The following SEL1L3 variants were observed in gnomAD, a reference collection of about 807,000 sequenced individuals.
SEL1L3 encodes SEL1L family member 3.
SEL1L3 carries 76 observed loss-of-function variants against 142.8 expected under a neutral mutation model. That is an observed-to-expected ratio of 0.53 (90% CI 0.44 to 0.64). The LOEUF is 0.64. SEL1L3 is among the 30% of genes least tolerant of loss of function. SEL1L3 has a pLI of 0.00. For missense variants in SEL1L3, 1,262 were observed against 1,381.7 expected (o/e 0.91, Z 1.37); for synonymous variants, 504 against 519.6 (o/e 0.97, Z 0.41).
chr4:25,772,114 G>T lies in SEL1L3; in HGVS notation c.2669+4163C>A, dbSNP rs995012082. On this transcript the variant is annotated intron_variant, in intron 17 of 23. Coordinates refer to ENST00000399878, the MANE Select transcript of SEL1L3 (RefSeq NM_015187.5). ...GCAGAATAGATGGTACCAAAAAAAT[G>T]TCACGTTGGACGGTGAGGAGGCCAG... Among the ~76,000 whole-genome samples, 14 of 152,318 alleles carry T rather than the reference G, an allele frequency of 9.2e-5. No homozygotes were observed. The South Asian group carries it at 2.9e-3, about 32-fold the overall frequency.
At position 25,763,293 on chromosome 4, in the gene SEL1L3, T is replaced by C. The variant is rs141665727; in HGVS notation, c.2955+2033A>G. ...AGTAACTCCTTCTTTTCAGAAGAAA[T>C]GATAACAGAATAGATCATGTCCACT... On this transcript the variant is annotated intron_variant, in intron 20 of 23. Coordinates refer to ENST00000399878, the MANE Select transcript of SEL1L3 (RefSeq NM_015187.5). Among the ~76,000 whole-genome samples the C allele has an allele frequency of 5.8e-3, 886 of 152,192 alleles. 14 individuals are homozygous for C. The highest frequency in any genetic ancestry group is 0.02 in the African/African-American group (834 of 41,522).
rs1396701279 is a variant in SEL1L3, at chr4:25,757,762, A to T, written c.3112T>A (p.Phe1038Ile). The change falls in exon 22 of 24, where the codon TTC becomes ATC. Residue 1038 changes from phenylalanine to isoleucine, a missense_variant. Phe to Ile is a conservative substitution (Grantham distance 21, BLOSUM62 0). Transcript: ENST00000399878. ...AGCCAGGCCAAGGAGCAGGGGCTGA[A>T]GGACTCCTCGTTACTGTGGCTCCAG... ...RCWSHSNEESFSPCSLAWLYL... is the reference protein window; with the variant it reads ...RCWSHSNEESISPCSLAWLYL... The T allele has an allele frequency of 1.3e-6, 2 of 1,590,892 alleles. No homozygotes were observed. Among genetic ancestry groups the T allele is most frequent in the Non-Finnish European group, 8.6e-7 (1 of 1,169,048 alleles).
chr4:25,802,266 T>C lies in SEL1L3; in HGVS notation c.1956+17A>G, dbSNP rs1217995626. 1.2e-6 allele frequency: 2 copies of C among 1,600,550 alleles called. No individual in the cohort carries two copies. The highest frequency in any genetic ancestry group is 4.5e-5 in the East Asian group (2 of 44,600). On this transcript the variant is annotated intron_variant, in intron 11 of 23. Transcript: ENST00000399878. ...AACAGGGCCATAACCATTCCCAACC[T>C]TTTTTCTCTCTCATACCTGATCTCC...
Position 25,788,477 on chromosome 4 carries a change from G to T in SEL1L3, c.2077-113C>A. ...TACGATGTTTTAGATTGAGAACCAAGGATTAGATACACTTTATCTTCCAAC... is the reference window on the plus strand; with the variant it reads ...TACGATGTTTTAGATTGAGAACCAATGATTAGATACACTTTATCTTCCAAC... On this transcript the variant is annotated intron_variant, in intron 12 of 23. Transcript: ENST00000399878. The surrounding 1 kb of genome is among the most constrained non-coding windows in gnomAD (Gnocchi z 5.3). 1 of 1,093,714 alleles carries T rather than the reference G, an allele frequency of 9.1e-7. No individual in the cohort carries two copies. Among genetic ancestry groups the T allele is most frequent in the South Asian group, 1.5e-5 (1 of 65,920 alleles). The allele number at this position is 1,093,714 out of a possible 1,614,324, so 67.8% of individuals were successfully genotyped here. A position where few individuals can be genotyped will look rare whatever the true frequency, so the allele number is the denominator to read the frequency against.
chr4:25,741,944 G>T, the SEL1L3 span, among the ~76,000 whole-genome samples: 43 of 151,916 alleles, frequency 2.8e-4, no homozygotes, highest in Non-Finnish European at 4.9e-4. Flanking sequence ...AAGTAGCTGG[G>T]ATTACAGGCA....
rs1410407429 is a variant in SEL1L3 at position 25,782,258 on chromosome 4, A to G, written c.2441T>C (p.Val814Ala). Residue 814 changes from valine (V) to alanine (A), a missense_variant, in exon 15 of 24, where the codon GTT becomes GCT. Physicochemically the swap from Val to Ala is moderately conservative, Grantham distance 64. This residue lies in a region of SEL1L3 where 435 missense variants were observed against 559.2 expected (regional missense o/e 0.78). Transcript: ENST00000399878. ...VLHLDGIFPGVPGRNQTLAGE... is the reference protein window; with the variant it reads ...VLHLDGIFPGAPGRNQTLAGE... ...CCTACTCACTTGATTCCTTCCAGGA[A>G]CTCCAGGGAAGATGCCATCCAAATG... 4 of 1,613,164 alleles carry G rather than the reference A, an allele frequency of 2.5e-6. No individual in the cohort carries two copies. The highest frequency in any genetic ancestry group is 2.5e-6 in the Non-Finnish European group (3 of 1,179,638).
chr4:25,830,878 A>G (rs151269751), intron 5 of SEL1L3, among the ~76,000 whole-genome samples: 79 of 152,348 alleles, frequency 5.2e-4, no homozygotes, highest in African/African-American at 1.9e-3. Context: ...AAAATGTCTC[A>G]CGCCAGTTGT....
At chr4:25,842,360 T>TG (rs1435860933) in intron 2 of SEL1L3, among the ~76,000 whole-genome samples, 6 of 119,252 alleles carry the variant, frequency 5.0e-5, no homozygotes, top group African/African-American at 2.0e-4. Flanking sequence ...AAAGTGGCAG[T>TG]GGGGGGCGGT....
intron 13 of SEL1L3, among the ~76,000 whole-genome samples, chr4:25,787,611 C>T (rs1224896312): frequency 2.0e-5 from 3 of 152,152 alleles, no homozygotes; most frequent in Admixed American, 6.5e-5. Context: ...TGAGCCACCG[C>T]GCCAGGCCAT....
Position 25,835,212 on chromosome 4 carries a change from C to G in SEL1L3, c.845G>C (p.Arg282Thr). 2 of 1,614,016 alleles carry G rather than the reference C, an allele frequency of 1.2e-6. No homozygotes were observed. Among genetic ancestry groups the G allele is most frequent in the Non-Finnish European group, 1.7e-6 (2 of 1,179,880 alleles). Reference protein sequence around the residue: ...NRELEATRRQRMDYPVFTVSL... With the variant: ...NRELEATRRQTMDYPVFTVSL... ...CCATCCTTACACTGGGTAATCCATC[C>G]TCTGGCGTCGAGTGGCCTCCAGCTC... The change falls in exon 3 of 24, where the codon AGG (arginine) becomes ACG (threonine). Residue 282 changes from arginine (R) to threonine (T), a missense_variant. Transcript: ENST00000399878.
chr4:25,857,956 G>A (rs1186064514), intron 1 of SEL1L3, among the ~76,000 whole-genome samples: 1 of 152,206 alleles, frequency 6.6e-6, no homozygotes, highest in Non-Finnish European at 1.5e-5. Flanking sequence ...GTATAACTAA[G>A]CCCTTCTCCA....
At chr4:25,785,280 C>G (rs1343087985) in intron 13 of SEL1L3, among the ~76,000 whole-genome samples, 1 of 152,164 alleles carries the variant, frequency 6.6e-6, no homozygotes, top group Non-Finnish European at 1.5e-5. Flanking sequence ...TAACGTTGGC[C>G]AAGCACTGTC....
At chr4:25,836,387 C>T (rs1284571254) in intron 2 of SEL1L3, among the ~76,000 whole-genome samples, 1 of 152,270 alleles carries the variant, frequency 6.6e-6, no homozygotes, top group South Asian at 2.1e-4. Flanking sequence ...TGGCTCACAC[C>T]TGTAATTCTA....
chr4:25,745,526 AG>A (rs552894910), downstream of SEL1L3, among the ~76,000 whole-genome samples: 41 of 152,084 alleles, frequency 2.7e-4, no homozygotes, highest in Admixed American at 5.2e-4. Context: ...AATTGAGGCA[AG>A]GGACCTTTGT....
chr4:25,721,212 A>G, the SEL1L3 span, among the ~76,000 whole-genome samples: 1 of 125,460 alleles, frequency 8.0e-6, no homozygotes, highest in Admixed American at 7.6e-5. Context: ...ATAAGCTTGG[A>G]ACTTTTTTTT....
intron 11 of SEL1L3, among the ~76,000 whole-genome samples, chr4:25,795,182 C>T (rs1193700293): frequency 6.6e-6 from 1 of 152,104 alleles, no homozygotes; most frequent in African/African-American, 2.4e-5. Flanking sequence ...ACCTTCACGT[C>T]CTGCACCTGT....
intron 14 of SEL1L3, among the ~76,000 whole-genome samples, chr4:25,783,061 G>A (rs915114861): frequency 2.6e-5 from 4 of 152,150 alleles, no homozygotes; most frequent in East Asian, 1.9e-4. Flanking sequence ...ACTTACCTAA[G>A]CTCTGTTAAA....
At position 25,790,543 on chromosome 4, in the gene SEL1L3, T is replaced by C. The variant is rs1403231897; in HGVS notation, c.1988A>G (p.Asp663Gly). 3.7e-6 allele frequency: 6 copies of C among 1,612,434 alleles called. No homozygotes were observed. In the East Asian group the frequency reaches 6.7e-5, roughly 18 times the overall value. ...AYVETIRLKDDEILKVQTKED... is the reference protein window; with the variant it reads ...AYVETIRLKDGEILKVQTKED... The stretch of plus-strand genomic sequence containing the variant: ...TTTGGTTTGTACCTTGAGTATTTCA[T>C]CATCTTTTAGTCTAATTGTTTCAAC... Residue 663 changes from aspartate to glycine, a missense_variant, in exon 12 of 24, where the codon GAT becomes GGT. By Grantham distance (94) the Asp-to-Gly change is moderately conservative. This residue lies in a region of SEL1L3 where 435 missense variants were observed against 559.2 expected (regional missense o/e 0.78). Coordinates refer to ENST00000399878, the MANE Select transcript of SEL1L3 (RefSeq NM_015187.5).
the SEL1L3 span, chr4:25,720,838 T>C: frequency 6.6e-6 from 1 of 152,160 alleles, no homozygotes. Context: ...CTACCTTCTA[T>C]CTGTCTGTGG....
Sources: gnomAD v4.1 joint callset for allele counts (sites outside exome capture counted in the v4.1 genomes callset) on GRCh38, gnomAD v4.1.1 for gene constraint, gnomAD v4.1.1 regional missense constraint, Gnocchi (gnomAD v3.1) non-coding constraint, MANE v1.5 for transcripts, NCBI Gene and HGNC (gene_info 2026-07-23, HGNC 2026-07-21) for gene names.